KDM4B: variants seen among roughly 807,000 people sequenced by gnomAD.
The protein encoded by KDM4B is lysine demethylase 4B.
In KDM4B, 32 loss-of-function variants were observed where a neutral mutation model predicts 125.2. The ratio of observed to expected loss-of-function variants is 0.26; its 90% CI spans 0.19 to 0.34. KDM4B has a LOEUF of 0.34. KDM4B is among the 10% of genes least tolerant of loss of function. KDM4B has a pLI of 1.00. For missense variants in KDM4B, 1,190 were observed against 1,577.7 expected (o/e 0.75, Z 4.16); for synonymous variants, 721 against 677.9 (o/e 1.06, Z -0.99).
chr19:5,098,432 T>C (rs1363297742), intron 9 of KDM4B, among the ~76,000 whole-genome samples: 1 of 152,178 alleles, frequency 6.6e-6, no homozygotes, highest in East Asian at 1.9e-4. Flanking sequence ...GCCCTGCCTG[T>C]TCCCTTGTAG....
chr19:5,035,730 C>T lies in KDM4B; in HGVS notation c.141+2699C>T, dbSNP rs2036596736. On this transcript the variant is annotated intron_variant, in intron 3 of 22. Transcript: ENST00000159111. The surrounding 1 kb of genome is among the most constrained non-coding windows in gnomAD (Gnocchi z 5.3). ...GTTCTGCGTGTTCCTTCCCATGCCT[C>T]TGCAGCGGCAGCTCCCATGCTGCTT... Among the ~76,000 whole-genome samples the T allele has an allele frequency of 6.6e-6, 1 of 152,160 alleles. No individual in the cohort carries two copies. The highest frequency in any genetic ancestry group is 2.1e-4 in the South Asian group (1 of 4,830).
rs1555701525 is a variant in KDM4B at position 5,057,065 on chromosome 19, TGC to T, written c.626+9408_626+9409del. Among the ~76,000 whole-genome samples, 727 of 128,356 alleles carry T rather than the reference TGC, an allele frequency of 5.7e-3. 2 individuals are homozygous for T. Among genetic ancestry groups the T allele is most frequent in the African/African-American group, 0.015 (484 of 31,280 alleles). The allele number at this position is 128,356 out of a possible 152,430, so 84.2% of individuals were successfully genotyped here. A position where few individuals can be genotyped will look rare whatever the true frequency, so the allele number is the denominator to read the frequency against. On this transcript the variant is annotated intron_variant, in intron 6 of 22. Transcript: ENST00000159111. ...GTGTGTGTGTGTGTGTGTGTGTGTG[TGC>T]GCGCGCGCGCGTATGTTAGCAAATG...
At chr19:4,982,292 C>CAA (rs761810869) in intron 1 of KDM4B, among the ~76,000 whole-genome samples, 1 of 96,346 alleles carries the variant, frequency 1.0e-5, no homozygotes, top group Non-Finnish European at 2.2e-5. Flanking sequence ...ATTCTGTCTC[C>CAA]AAAAAAAAAA....
At chr19:5,012,453 G>A (rs1425938791) in intron 1 of KDM4B, among the ~76,000 whole-genome samples, 3 of 152,020 alleles carry the variant, frequency 2.0e-5, no homozygotes, top group East Asian at 1.9e-4. Flanking sequence ...CCCCCACACC[G>A]GGATTCCTCG....
rs868204453 is a variant in KDM4B, at chr19:5,137,319, C to T, written c.2366C>T (p.Ala789Val). The T allele has an allele frequency of 1.1e-5, 18 of 1,574,230 alleles. No individual in the cohort carries two copies. Among genetic ancestry groups the T allele is most frequent in the Middle Eastern group, 1.7e-4 (1 of 6,020 alleles). ...VNEGWTCSRCAAHAWTAECCL... is the reference protein window; with the variant it reads ...VNEGWTCSRCVAHAWTAECCL... Reference sequence around the variant, plus strand: ...GAAGGCTGGACGTGTTCCCGGTGCGCGGCCCACGCCTGGACTGCGGTAACT... The same window carrying T: ...GAAGGCTGGACGTGTTCCCGGTGCGTGGCCCACGCCTGGACTGCGGTAACT... Residue 789 changes from alanine to valine, a missense_variant, in exon 16 of 23, where the codon GCG becomes GTG. By Grantham distance (64) the Ala-to-Val change is moderately conservative. Coordinates refer to ENST00000159111, the MANE Select transcript of KDM4B (RefSeq NM_015015.3).
chr19:5,113,976 T>A, intron 10 of KDM4B: 2 of 1,242,468 alleles, frequency 1.6e-6, no homozygotes, highest in Non-Finnish European at 2.1e-6. Flanking sequence ...ATGGGTCTCT[T>A]CCAGAACTAA....
chr19:5,093,622 G>A (rs776032719), intron 9 of KDM4B, among the ~76,000 whole-genome samples: 5 of 152,230 alleles, frequency 3.3e-5, no homozygotes, highest in African/African-American at 4.8e-5. Flanking sequence ...AGATGCGGGC[G>A]CCTCTGCCCC....
intron 1 of KDM4B, among the ~76,000 whole-genome samples, chr19:5,007,568 CAG>C (rs1341235716): frequency 9.5e-6 from 1 of 104,812 alleles, no homozygotes. Flanking sequence ...TTTTTTGAGA[CAG>C]AGTATTGTTC....
At position 5,035,605 on chromosome 19, in the gene KDM4B, C is replaced by A. The variant is rs1028355306; in HGVS notation, c.141+2574C>A. Among the ~76,000 whole-genome samples the A allele has an allele frequency of 2.0e-5, 3 of 152,072 alleles. No individual in the cohort carries two copies. Among genetic ancestry groups the A allele is most frequent in the Non-Finnish European group, 2.9e-5 (2 of 68,012 alleles). On this transcript the variant is annotated intron_variant, in intron 3 of 22. Coordinates refer to ENST00000159111, the MANE Select transcript of KDM4B (RefSeq NM_015015.3). This position sits in a 1 kb window ranked among gnomAD's most constrained non-coding sequence, Gnocchi z 5.3. ...CTGCCGCCTCTTTGAGCCCTCATGT[C>A]GCTGCTTCAGGTTTCTGCACTCCCC...
intron 3 of KDM4B, among the ~76,000 whole-genome samples, chr19:5,039,156 TGCCTTACCAGG>T (rs2036724223): frequency 6.6e-6 from 1 of 152,302 alleles, no homozygotes; most frequent in South Asian, 2.1e-4. Context: ...TTTTGAAAAA[TGCCTTACCAGG>T]GCGCAGTGGC....
intron 5 of KDM4B, among the ~76,000 whole-genome samples, chr19:5,044,577 CT>C (rs774692873): frequency 6.6e-6 from 1 of 152,208 alleles, no homozygotes; most frequent in Non-Finnish European, 1.5e-5. Context: ...GAGACAGAGT[CT>C]TGCTCTGTCA....
At chr19:5,092,356 C>T (rs1199929250) in intron 9 of KDM4B, among the ~76,000 whole-genome samples, 1 of 152,218 alleles carries the variant, frequency 6.6e-6, no homozygotes, top group Non-Finnish European at 1.5e-5. Context: ...ACATCCACTC[C>T]CATGGGGGCA....
chr19:5,040,493 A>G (rs1485740756), intron 4 of KDM4B, among the ~76,000 whole-genome samples: 3 of 152,046 alleles, frequency 2.0e-5, no homozygotes, highest in Non-Finnish European at 2.9e-5. Context: ...CTACACAGGG[A>G]CACACAGGCT....
chr19:4,989,150 T>C (rs2034948012), intron 1 of KDM4B, among the ~76,000 whole-genome samples: 1 of 152,128 alleles, frequency 6.6e-6, no homozygotes, highest in South Asian at 2.1e-4. Context: ...GGTGAGTCGC[T>C]GCCGTGGAGG....
chr19:5,149,141 G>T lies in KDM4B; in HGVS notation c.3022-1217G>T, dbSNP rs1023474971. 4.6e-5 allele frequency among the ~76,000 whole-genome samples: 7 copies of T among 152,362 alleles called. No homozygotes were observed. In the South Asian group the frequency reaches 1.2e-3, roughly 27 times the overall value. ...AGGAGTCACAGGGACCGGCAGGCTTGGCTGCCCCAAGGCAGGGTCTGTGCT... is the reference window on the plus strand; with the variant it reads ...AGGAGTCACAGGGACCGGCAGGCTTTGCTGCCCCAAGGCAGGGTCTGTGCT... On this transcript the variant is annotated intron_variant, in intron 21 of 22. Transcript: ENST00000159111.
At position 5,035,857 on chromosome 19, in the gene KDM4B, G is replaced by C. The variant is rs377650135; in HGVS notation, c.141+2826G>C. Among the ~76,000 whole-genome samples, 1 of 75,062 alleles carries C rather than the reference G, an allele frequency of 1.3e-5. No homozygotes were observed. The highest frequency in any genetic ancestry group is 3.8e-5 in the African/African-American group (1 of 26,418). 49.2% of individuals were successfully genotyped at this position (75,062 alleles called of 152,430 possible). On this transcript the variant is annotated intron_variant, in intron 3 of 22. Coordinates refer to ENST00000159111, the MANE Select transcript of KDM4B (RefSeq NM_015015.3). The surrounding 1 kb of genome is among the most constrained non-coding windows in gnomAD (Gnocchi z 5.3). ...TGCTGTGGAGGGGCTGTGTGTGCACGTGTCTCTGTGTGTGTGTGTGTGTGC... is the reference window on the plus strand; with the variant it reads ...TGCTGTGGAGGGGCTGTGTGTGCACCTGTCTCTGTGTGTGTGTGTGTGTGC...
At chr19:5,122,267 GTCTC>G (rs2039375031) in intron 11 of KDM4B, among the ~76,000 whole-genome samples, 1 of 152,178 alleles carries the variant, frequency 6.6e-6, no homozygotes, top group Admixed American at 6.5e-5. Context: ...GCCTCTTCCG[GTCTC>G]TCTCTGACTC....
At chr19:5,097,883 C>T (rs939741366) in intron 9 of KDM4B, among the ~76,000 whole-genome samples, 1 of 152,230 alleles carries the variant, frequency 6.6e-6, no homozygotes, top group African/African-American at 2.4e-5. Context: ...AGATGGGAAC[C>T]CTCCTCCTCC....
At chr19:4,977,949 TC>T (rs1364530940) in intron 1 of KDM4B, among the ~76,000 whole-genome samples, 1 of 152,164 alleles carries the variant, frequency 6.6e-6, no homozygotes, top group Non-Finnish European at 1.5e-5. Flanking sequence ...GTTGCTGTTG[TC>T]CCCTTCCTGC....
Sources: gnomAD v4.1 joint callset for allele counts (sites outside exome capture counted in the v4.1 genomes callset) on GRCh38, gnomAD v4.1.1 for gene constraint, Gnocchi (gnomAD v3.1) non-coding constraint, MANE v1.5 for transcripts, NCBI Gene and HGNC (gene_info 2026-07-23, HGNC 2026-07-21) for gene names.